The following SORCS3 variants were observed in gnomAD, a reference collection of about 807,000 sequenced individuals.
The protein encoded by SORCS3 is sortilin related VPS10 domain containing receptor 3.
Under a neutral mutation model 146.3 loss-of-function variants are expected in SORCS3, and 57 were observed. The ratio of observed to expected loss-of-function variants is 0.39; its 90% confidence interval spans 0.31 to 0.49. The LOEUF (loss-of-function observed/expected upper bound fraction) is 0.49. Among genes scored for constraint, SORCS3 ranks in the 20% least tolerant of loss-of-function variants. The pLI is 0.92. For missense variants in SORCS3, 1,341 were observed against 1,575.5 expected (o/e 0.85, Z 2.52); for synonymous variants, 653 against 618.5 (o/e 1.06, Z -0.83).
At chr10:104,850,496 A>T (rs1489889257) in intron 2 of SORCS3, among the ~76,000 whole-genome samples, 4 of 152,154 alleles carry the variant, frequency 2.6e-5, no homozygotes, top group Admixed American at 6.6e-5. Context: ...AGGCGGGAGG[A>T]TCTCTTGAAC....
At chr10:104,907,958 G>A (rs2018925659) in intron 2 of SORCS3, among the ~76,000 whole-genome samples, 1 of 152,244 alleles carries the variant, frequency 6.6e-6, no homozygotes, top group Admixed American at 6.5e-5. Flanking sequence ...TTGGGCACTG[G>A]CCCTAAAATG....
intron 1 of SORCS3, among the ~76,000 whole-genome samples, chr10:104,681,542 C>T (rs1428902574): frequency 1.3e-5 from 2 of 152,174 alleles, no homozygotes; most frequent in Non-Finnish European, 2.9e-5. Flanking sequence ...GCTTAGGGGC[C>T]TTGGTTTGCA....
intron 5 of SORCS3, among the ~76,000 whole-genome samples, chr10:105,088,838 T>C (rs926227320): frequency 4.6e-5 from 7 of 152,222 alleles, no homozygotes. Context: ...AATTCTACTT[T>C]CCATTTCTAA....
chr10:104,882,340 T>C (rs1392222723), intron 2 of SORCS3, among the ~76,000 whole-genome samples: 1 of 152,212 alleles, frequency 6.6e-6, no homozygotes. Context: ...TGTGACTATT[T>C]CTTTGGTCAA....
chr10:105,031,051 T>C (rs1450354891), intron 4 of SORCS3, among the ~76,000 whole-genome samples: 2 of 151,436 alleles, frequency 1.3e-5, no homozygotes, highest in Non-Finnish European at 2.9e-5. Context: ...TCCCAGCACT[T>C]TGGGAGGCCG....
chr10:104,663,930 C>T (rs920784593), intron 1 of SORCS3, among the ~76,000 whole-genome samples: 1 of 152,154 alleles, frequency 6.6e-6, no homozygotes, highest in Non-Finnish European at 1.5e-5. Flanking sequence ...TGCATGCTGC[C>T]TGCCTTAACA....
chr10:104,697,616 GT>G (rs2016231997), intron 1 of SORCS3, among the ~76,000 whole-genome samples: 1 of 152,130 alleles, frequency 6.6e-6, no homozygotes, highest in Non-Finnish European at 1.5e-5. Context: ...TTCCTTTGTA[GT>G]TTTGGGGCAT....
chr10:105,030,339 A>C (rs1051911659), intron 4 of SORCS3, among the ~76,000 whole-genome samples: 1 of 152,134 alleles, frequency 6.6e-6, no homozygotes, highest in Non-Finnish European at 1.5e-5. Flanking sequence ...GGTTGGCTGC[A>C]TGCTGGTCTG....
rs550868134 is a variant in SORCS3, at chr10:105,038,809, TTAAA to T, written c.955-4242_955-4239del. ...TAATGTCATGAGAATTTTAATATCCTTAAATAATCTTCTAAAACTTACTATTAAA... is the reference window on the plus strand; with the variant it reads ...TAATGTCATGAGAATTTTAATATCCTTAATCTTCTAAAACTTACTATTAAA... On this transcript the variant is annotated intron_variant, in intron 4 of 26. Transcript: ENST00000369701. Among the ~76,000 whole-genome samples, 166 of 152,316 alleles carry T rather than the reference TTAAA, an allele frequency of 1.1e-3. 1 individual carries two copies. Among genetic ancestry groups the T allele is most frequent in the African/African-American group, 3.9e-3 (161 of 41,592 alleles).
At position 105,029,426 on chromosome 10, in the gene SORCS3, C is replaced by T. The variant is rs988650183; in HGVS notation, c.955-13629C>T. ...CTTTGCTTAATGCACAGACCATATC[C>T]CTTTTGTATCTAGAGGGAAACCTAA... On this transcript the variant is annotated intron_variant, in intron 4 of 26. Coordinates refer to ENST00000369701, the MANE Select transcript of SORCS3 (RefSeq NM_014978.3). Among the ~76,000 whole-genome samples the T allele has an allele frequency of 8.5e-5, 13 of 152,292 alleles. 1 individual carries two copies. Among genetic ancestry groups the T allele is most frequent in the African/African-American group, 2.9e-4 (12 of 41,564 alleles).
At chr10:105,255,493 A>G (rs576503127) in intron 23 of SORCS3, among the ~76,000 whole-genome samples, 1 of 152,170 alleles carries the variant, frequency 6.6e-6, no homozygotes, top group African/African-American at 2.4e-5. Flanking sequence ...CAAAAACAAA[A>G]CTGTATAGTT....
intron 1 of SORCS3, among the ~76,000 whole-genome samples, chr10:104,715,426 C>T (rs1003797846): frequency 6.6e-6 from 1 of 152,202 alleles, no homozygotes. Context: ...GGTTATCAGG[C>T]CATCAGACTT....
intron 5 of SORCS3, among the ~76,000 whole-genome samples, chr10:105,066,075 G>T (rs2055520845): frequency 6.6e-6 from 1 of 152,166 alleles, no homozygotes; most frequent in Non-Finnish European, 1.5e-5. Context: ...GGTCCCTTGG[G>T]TAAACACTGT....
chr10:104,751,757 G>T (rs1238182532), intron 1 of SORCS3, among the ~76,000 whole-genome samples: 1 of 151,322 alleles, frequency 6.6e-6, no homozygotes, highest in Non-Finnish European at 1.5e-5. Context: ...ATAGCTCTGT[G>T]TCTGCTCACT....
At chr10:104,771,612 A>G (rs780318557) in intron 1 of SORCS3, among the ~76,000 whole-genome samples, 2 of 152,170 alleles carry the variant, frequency 1.3e-5, no homozygotes, top group Non-Finnish European at 2.9e-5. Flanking sequence ...ATGTTTGCAC[A>G]GGCATGGCCT....
intron 17 of SORCS3, among the ~76,000 whole-genome samples, chr10:105,213,218 T>C (rs2056644665): frequency 6.6e-6 from 1 of 152,178 alleles, no homozygotes; most frequent in South Asian, 2.1e-4. Flanking sequence ...GAGACAGTAA[T>C]GACATACAAC....
At chr10:104,740,231 G>A (rs1444085852) in intron 1 of SORCS3, among the ~76,000 whole-genome samples, 1 of 152,152 alleles carries the variant, frequency 6.6e-6, no homozygotes, top group African/African-American at 2.4e-5. Context: ...TGCCTGTACT[G>A]TGTAGTCCTA....
At chr10:105,067,948 T>G (rs952099765) in intron 5 of SORCS3, among the ~76,000 whole-genome samples, 2 of 152,062 alleles carry the variant, frequency 1.3e-5, no homozygotes. Flanking sequence ...TTGTTTCATT[T>G]GCTTGCAAAG....
chr10:104,976,488 TG>T (rs1475393747), intron 3 of SORCS3, among the ~76,000 whole-genome samples: 1 of 152,192 alleles, frequency 6.6e-6, no homozygotes, highest in Non-Finnish European at 1.5e-5. Context: ...TCAACCATTG[TG>T]GAAGTCAGTG....
Sources: allele counts gnomAD v4.1 joint callset (sites outside exome capture counted in the v4.1 genomes callset), GRCh38; gene constraint gnomAD v4.1.1; transcripts MANE v1.5; gene names NCBI Gene and HGNC (gene_info 2026-07-23, HGNC 2026-07-21).